The following CPNE2 variants were observed in gnomAD, a reference collection of about 807,000 sequenced individuals.
CPNE2 encodes the protein copine-2.
In CPNE2, 42 loss-of-function variants were observed where a neutral mutation model predicts 69.7. The ratio of observed to expected loss-of-function variants is 0.60; its 90% CI spans 0.47 to 0.78. The LOEUF is 0.78. CPNE2 is among the 30% of genes least tolerant of loss of function. The pLI, the probability that CPNE2 is intolerant of heterozygous loss-of-function variation, is 0.00. For synonymous variants in CPNE2, 294 were observed against 289.8 expected (o/e 1.01, Z -0.15); for missense variants, 587 against 732.0 (o/e 0.80, Z 2.29).
intron 12 of CPNE2, 121 bp from the exon 13 acceptor site, chr16:57,134,654 G>T: frequency 1.0e-6 from 1 of 1,002,594 alleles, no homozygotes; most frequent in East Asian, 2.4e-5. Context: ...CCTAGAGGAG[G>T]GTAGGGGTGG....
chr16:57,109,415 G>A (rs2069666508), intron 1 of CPNE2, among the ~76,000 whole-genome samples: 3 of 151,264 alleles, frequency 2.0e-5, no homozygotes, highest in Non-Finnish European at 4.4e-5. Flanking sequence ...GGTGGAGGTT[G>A]CAGTGAGCTG....
intron 13 of CPNE2, among the ~76,000 whole-genome samples, chr16:57,136,481 C>T (rs559247254): frequency 7.2e-5 from 11 of 152,362 alleles, no homozygotes; most frequent in South Asian, 6.2e-4. Context: ...CTGCAAGCTT[C>T]GCCAAGCCCC....
rs1275685773 is a variant in CPNE2 at position 57,147,855 on chromosome 16, C to T, written c.*197C>T. 1.7e-5 allele frequency: 7 copies of T among 413,908 alleles called. No homozygotes were observed. In the Admixed American group the frequency reaches 3.0e-4, roughly 18 times the overall value. The allele number at this position is 413,908 out of a possible 1,614,324, so 25.6% of individuals were successfully genotyped here. On this transcript the variant is annotated 3_prime_UTR_variant, in exon 16 of 16. Coordinates refer to ENST00000290776, the MANE Select transcript of CPNE2 (RefSeq NM_152727.6). ...GGAGTCAACTGTTGATGCTTCCAGG[C>T]CAAACTGGCTTCCTCTCCTCCTCTC... is the stretch of plus-strand genomic sequence containing the variant.
chr16:57,139,525 A>C (rs2069906412), intron 14 of CPNE2, among the ~76,000 whole-genome samples: 1 of 152,176 alleles, frequency 6.6e-6, no homozygotes, highest in Admixed American at 6.5e-5. Flanking sequence ...TCTTTTTGGG[A>C]ATGGGCTGTT....
chr16:57,128,006 C>A, intron 12 of CPNE2, 103 bp downstream of exon 12: 1 of 1,133,782 alleles, frequency 8.8e-7, no homozygotes, highest in Non-Finnish European at 1.3e-6. Flanking sequence ...GGCCCTGTTG[C>A]CCTGCCTTCC....
rs140619567 is a variant in CPNE2, at chr16:57,127,876, C to T, written c.1089C>T (p.Phe363=). The change falls in exon 12 of 16, where the codon TTC becomes TTT. Residue 363 remains phenylalanine, a synonymous_variant. Transcript: ENST00000290776. ...ATAAGATGTTTCCAGCTCTGGGATT[C>T]GGGGCCCAGTTACCCCCAGACTGGA... is the stretch of plus-strand genomic sequence containing the variant. ...DSDKMFPALG[F]GAQLPPDWKV... is the part of the protein sequence containing the mutation. The T allele has an allele frequency of 9.4e-4, 1,515 of 1,613,580 alleles. 1 individual carries two copies. Among genetic ancestry groups the T allele is most frequent in the Non-Finnish European group, 1.2e-3 (1,461 of 1,179,972 alleles).
chr16:57,107,310 A>G (rs10454067), intron 1 of CPNE2, among the ~76,000 whole-genome samples: 4,813 of 152,306 alleles, frequency 0.032, 206 homozygotes, highest in East Asian at 0.21. Flanking sequence ...GATTATAACA[A>G]GGTTCTAGGA....
At chr16:57,145,982 C>G in intron 14 of CPNE2, 103 bp from the exon 15 acceptor site, 16 of 983,428 alleles carry the variant, frequency 1.6e-5, no homozygotes, top group Non-Finnish European at 2.5e-5. Context: ...GTAAGATGCA[C>G]TGCCTTCCTC....
At chr16:57,109,294 GGT>G (rs2069665619) in intron 1 of CPNE2, among the ~76,000 whole-genome samples, 2 of 152,170 alleles carry the variant, frequency 1.3e-5, no homozygotes, top group South Asian at 2.1e-4. Context: ...TGGTCAATGT[GGT>G]GAAACCTCGT....
rs144718317 is a variant in CPNE2, at chr16:57,099,119, C to T, written c.-36+6329C>T. 9.6e-4 allele frequency among the ~76,000 whole-genome samples: 146 copies of T among 152,290 alleles called. 3 individuals are homozygous for T. In the East Asian group the frequency reaches 0.026, roughly 27 times the overall value. ...GTGTCCCCTTCTTGTCAGTAACACCCGTCCACGTGTCCTACTGCTATCCTG... is the reference window on the plus strand; with the variant it reads ...GTGTCCCCTTCTTGTCAGTAACACCTGTCCACGTGTCCTACTGCTATCCTG... On this transcript the variant is annotated intron_variant, in intron 1 of 15. Coordinates refer to ENST00000290776, the MANE Select transcript of CPNE2 (RefSeq NM_152727.6).
chr16:57,131,122 C>T (rs2069835659), intron 12 of CPNE2, among the ~76,000 whole-genome samples: 1 of 152,170 alleles, frequency 6.6e-6, no homozygotes, highest in Admixed American at 6.5e-5. Context: ...ATGACTTGCC[C>T]AAGGCCATGT....
intron 7 of CPNE2, among the ~76,000 whole-genome samples, chr16:57,120,005 T>C (rs556824071): frequency 6.6e-6 from 1 of 152,246 alleles, no homozygotes; most frequent in East Asian, 1.9e-4. Context: ...GAGTGCAGTG[T>C]CTCATGCCTG....
Position 57,147,366 on chromosome 16 carries a change from G to A in CPNE2, c.1540-185G>A, listed in dbSNP as rs184950702. 2,530 of 417,052 alleles carry A rather than the reference G, an allele frequency of 6.1e-3. 15 individuals carry two copies. The highest frequency in any genetic ancestry group is 0.019 in the South Asian group (218 of 11,402). The allele number at this position is 417,052 out of a possible 1,614,324, so 25.8% of individuals were successfully genotyped here. On this transcript the variant is annotated intron_variant, in intron 15 of 15. Transcript: ENST00000290776. ...TAAAGGAAGGCACTGCGATCAGGGGGAATTTCAGGCCTGGCCTGGGCTGAG... is the reference window on the plus strand; with the variant it reads ...TAAAGGAAGGCACTGCGATCAGGGGAAATTTCAGGCCTGGCCTGGGCTGAG...
At chr16:57,106,345 C>T (rs11863014) in intron 1 of CPNE2, among the ~76,000 whole-genome samples, 4,865 of 152,264 alleles carry the variant, frequency 0.032, 247 homozygotes, top group African/African-American at 0.11. Context: ...CTCCTGCCCA[C>T]GCCCTCAGTC....
intron 11 of CPNE2, among the ~76,000 whole-genome samples, chr16:57,126,399 G>C (rs1419746619): frequency 6.6e-6 from 1 of 152,204 alleles, no homozygotes; most frequent in Non-Finnish European, 1.5e-5. Context: ...TGGGCCTGGC[G>C]CCTAGTTCCC....
intron 14 of CPNE2, among the ~76,000 whole-genome samples, chr16:57,137,596 C>A (rs1323755355): frequency 6.6e-6 from 1 of 152,138 alleles, no homozygotes; most frequent in Non-Finnish European, 1.5e-5. Flanking sequence ...GGCAGTGATC[C>A]CTGAGGCCCT....
intron 4 of CPNE2, 37 bp downstream of exon 4, chr16:57,115,587 T>TC: frequency 1.4e-6 from 2 of 1,397,244 alleles, no homozygotes; most frequent in South Asian, 1.2e-5. Flanking sequence ...ACCCCCTCCA[T>TC]CCCCACCCCA....
At chr16:57,095,336 G>A (rs2069572055) in intron 1 of CPNE2, among the ~76,000 whole-genome samples, 1 of 152,262 alleles carries the variant, frequency 6.6e-6, no homozygotes, top group African/African-American at 2.4e-5. Flanking sequence ...CCAGGTTAGA[G>A]GCGCCTCCTG....
intron 13 of CPNE2, 113 bp downstream of exon 13, chr16:57,134,939 C>A: frequency 2.6e-6 from 3 of 1,159,630 alleles, no homozygotes; most frequent in East Asian, 2.4e-5. Context: ...TTCCCCTCCC[C>A]CTTACTGTTG....
Sources: allele counts gnomAD v4.1 joint callset (sites outside exome capture counted in the v4.1 genomes callset), GRCh38; gene constraint gnomAD v4.1.1; transcripts MANE v1.5; gene names NCBI Gene and HGNC (gene_info 2026-07-23, HGNC 2026-07-21).